Variants in ARID2 observed in about 807,000 individuals in gnomAD.
ARID2 encodes the protein AT-rich interaction domain 2.
ARID2 carries 32 observed loss-of-function variants against 184.6 expected under a neutral mutation model. The observed-to-expected ratio is 0.17, with a 90% CI of 0.13 to 0.23. ARID2 has a LOEUF of 0.23. ARID2 is among the 10% of genes least tolerant of loss of function. The probability of loss-of-function intolerance (pLI) is 1.00; values close to 1 mark genes in which losing one functional copy is unlikely to be tolerated. For missense variants in ARID2, 1,696 were observed against 2,197.6 expected (o/e 0.77, Z 4.56); for synonymous variants, 836 against 772.6 (o/e 1.08, Z -1.36).
chr12:45,751,039 T>A (rs956237408), intron 3 of ARID2, among the ~76,000 whole-genome samples: 1 of 152,172 alleles, frequency 6.6e-6, no homozygotes, highest in Non-Finnish European at 1.5e-5. Context: ...ACTGGACATA[T>A]ATCAATGATG....
intron 16 of ARID2, among the ~76,000 whole-genome samples, chr12:45,868,109 C>T (rs1438683995): frequency 6.6e-6 from 1 of 152,012 alleles, no homozygotes; most frequent in Non-Finnish European, 1.5e-5. Flanking sequence ...CTTTATTGCC[C>T]TTCCTAAAAA....
chr12:45,801,840 A>G lies in ARID2; in HGVS notation c.285-9578A>G, dbSNP rs1239329227. ...AGAAAGAATGAGAATAGGATAAGGT[A>G]AATGAAGCAACATATAAACAATTGG... On this transcript the variant is annotated intron_variant, in intron 3 of 20. Coordinates refer to ENST00000334344, the MANE Select transcript of ARID2 (RefSeq NM_152641.4). Among the ~76,000 whole-genome samples the G allele has an allele frequency of 2.0e-5, 3 of 152,148 alleles. No individual in the cohort carries two copies. In the East Asian group the frequency reaches 5.8e-4, roughly 29 times the overall value.
At chr12:45,865,777 A>C (rs1943821992) in intron 16 of ARID2, among the ~76,000 whole-genome samples, 1 of 152,120 alleles carries the variant, frequency 6.6e-6, no homozygotes, top group Non-Finnish European at 1.5e-5. Context: ...TCATACTATA[A>C]GAGTAGTTTA....
intron 3 of ARID2, among the ~76,000 whole-genome samples, chr12:45,795,021 T>C (rs1206922287): frequency 2.0e-5 from 3 of 152,094 alleles, no homozygotes; most frequent in African/African-American, 7.2e-5. Context: ...TTTCCACTCC[T>C]GTCGTTTTTT....
chr12:45,796,679 A>C (rs1942398466), intron 3 of ARID2, among the ~76,000 whole-genome samples: 1 of 152,038 alleles, frequency 6.6e-6, no homozygotes. Context: ...ATGCCCAGCT[A>C]ATTTTTGTGA....
chr12:45,743,305 G>A (rs1049325766), intron 3 of ARID2, among the ~76,000 whole-genome samples: 11 of 152,094 alleles, frequency 7.2e-5, no homozygotes, highest in Admixed American at 2.6e-4. Context: ...GGAGGTGGAG[G>A]TTGTGGTGAG....
intron 4 of ARID2, among the ~76,000 whole-genome samples, chr12:45,813,632 A>G (rs1333565906): frequency 2.0e-5 from 3 of 152,140 alleles, no homozygotes; most frequent in African/African-American, 7.2e-5. Flanking sequence ...TATTGTTGAC[A>G]TTAAGAAAAG....
intron 3 of ARID2, among the ~76,000 whole-genome samples, chr12:45,768,025 A>G (rs2138019693): frequency 6.6e-6 from 1 of 152,314 alleles, no homozygotes; most frequent in South Asian, 2.1e-4. Flanking sequence ...ATTCAAGAAT[A>G]TCTACTAAAA....
At chr12:45,840,325 T>C (rs548607868) in intron 11 of ARID2, 3 of 152,338 alleles carry the variant, frequency 2.0e-5, no homozygotes, top group East Asian at 3.9e-4. Flanking sequence ...ATTCTCACTT[T>C]GCAATTAATA....
chr12:45,869,280 G>A (rs1369275027), intron 16 of ARID2, among the ~76,000 whole-genome samples: 1 of 152,144 alleles, frequency 6.6e-6, no homozygotes, highest in Non-Finnish European at 1.5e-5. Flanking sequence ...CTCCCAAAGT[G>A]CTGGGATTAC....
chr12:45,900,437 A>G (rs1944443280), intron 20 of ARID2, among the ~76,000 whole-genome samples: 1 of 152,164 alleles, frequency 6.6e-6, no homozygotes, highest in Admixed American at 6.5e-5. Flanking sequence ...CCTAATACTG[A>G]TTGTACCATA....
intron 12 of ARID2, 142 bp from the exon 13 acceptor site, chr12:45,848,694 C>A: frequency 1.8e-6 from 1 of 544,330 alleles, no homozygotes; most frequent in Non-Finnish European, 2.9e-6. Flanking sequence ...TATATTTTTG[C>A]TACTAACGTA....
At chr12:45,898,607 A>G (rs547839603) in intron 20 of ARID2, among the ~76,000 whole-genome samples, 4 of 152,256 alleles carry the variant, frequency 2.6e-5, no homozygotes, top group African/African-American at 9.6e-5. Flanking sequence ...TAAAAACGAG[A>G]GAATTTTTGT....
At chr12:45,839,540 A>G (rs373570926) in intron 11 of ARID2, 44 bp downstream of exon 11, 24 of 1,560,926 alleles carry the variant, frequency 1.5e-5, no homozygotes, top group South Asian at 3.7e-5. Flanking sequence ...TTACGAGTGT[A>G]TAAGATTTGA....
intron 10 of ARID2, among the ~76,000 whole-genome samples, chr12:45,838,380 CTG>C (rs1365576053): frequency 3.3e-5 from 5 of 152,146 alleles, no homozygotes; most frequent in Non-Finnish European, 7.4e-5. Flanking sequence ...AGCTTGAAAA[CTG>C]TTCTTATTGA....
At chr12:45,868,529 A>C (rs533261785) in intron 16 of ARID2, among the ~76,000 whole-genome samples, 1 of 152,350 alleles carries the variant, frequency 6.6e-6, no homozygotes, top group East Asian at 1.9e-4. Flanking sequence ...CATAAAATTT[A>C]AATCTTAATG....
intron 13 of ARID2, among the ~76,000 whole-genome samples, chr12:45,849,225 G>A (rs1943495463): frequency 6.6e-6 from 1 of 151,982 alleles, no homozygotes; most frequent in Admixed American, 6.6e-5. Context: ...ACTTTTACAT[G>A]TTAAAGACAT....
intron 3 of ARID2, among the ~76,000 whole-genome samples, chr12:45,808,529 T>A (rs1942642021): frequency 6.6e-6 from 1 of 152,190 alleles, no homozygotes; most frequent in African/African-American, 2.4e-5. Flanking sequence ...GATGTATTTT[T>A]AAAACCTAAT....
chr12:45,821,696 G>A (rs138831857), intron 6 of ARID2, among the ~76,000 whole-genome samples: 159 of 152,202 alleles, frequency 1.0e-3, no homozygotes, highest in African/African-American at 3.5e-3. Flanking sequence ...AATTTTCATT[G>A]ATTTCTGTGA....
Sources: gnomAD v4.1 joint callset for allele counts (sites outside exome capture counted in the v4.1 genomes callset) on GRCh38, gnomAD v4.1.1 for gene constraint, MANE v1.5 for transcripts, NCBI Gene and HGNC (gene_info 2026-07-23, HGNC 2026-07-21) for gene names.